The following FBRSL1 variants were observed in gnomAD, a reference collection of about 807,000 sequenced individuals.
FBRSL1 encodes fibrosin-1-like protein.
A neutral mutation model predicts 89.6 loss-of-function variants in FBRSL1; 51 were observed. The observed-to-expected ratio is 0.57, with a 90% CI of 0.45 to 0.72. The LOEUF is 0.72. Ranked by LOEUF, FBRSL1 falls within the 30% of genes least tolerant of loss-of-function variation. The pLI is 0.00. For synonymous variants in FBRSL1, 779 were observed against 681.1 expected (o/e 1.14, Z -2.24); for missense variants, 1,618 against 1,451.8 (o/e 1.11, Z -1.86).
At chr12:132,523,521 G>T (rs1263571619) in intron 2 of FBRSL1, among the ~76,000 whole-genome samples, 2 of 152,096 alleles carry the variant, frequency 1.3e-5, no homozygotes, top group African/African-American at 4.8e-5. Flanking sequence ...GGTGTGAAGT[G>T]TAGAGAGGTG....
rs553389153 is a variant in FBRSL1, at chr12:132,583,727, G to T, written c.2958G>T (p.Glu986Asp). The part of the protein sequence containing the change: ...TTPLGGLGPG[E>D]ARDYSPSRNP... ...CGCTGGGGGGCCTCGGGCCGGGCGA[G>T]GCGCGCGACTACTCCCCGTCCCGAA... The change falls in exon 19 of 19, where the codon GAG becomes GAT. Residue 986 changes from glutamate to aspartate, a missense_variant. Coordinates refer to ENST00000680143, the MANE Select transcript of FBRSL1 (RefSeq NM_001367871.1). 8.2e-7 allele frequency: 1 copy of T among 1,215,680 alleles called. No homozygotes were observed. The highest frequency in any genetic ancestry group is 1.6e-5 in the African/African-American group (1 of 63,650). The allele number at this position is 1,215,680 out of a possible 1,614,324, so 75.3% of individuals were successfully genotyped here. A position where few individuals can be genotyped will look rare whatever the true frequency, so the allele number is the denominator to read the frequency against.
intron 3 of FBRSL1, 35 bp from the exon 4 acceptor site, chr12:132,527,918 C>T: frequency 6.5e-7 from 1 of 1,549,936 alleles, no homozygotes; most frequent in Non-Finnish European, 8.7e-7. Flanking sequence ...TTCCGAGTGG[C>T]AGCCTCACTG....
intron 5 of FBRSL1, chr12:132,560,047 G>A (rs1157723034): frequency 6.6e-6 from 1 of 150,474 alleles, no homozygotes; most frequent in Admixed American, 6.6e-5. Flanking sequence ...GCGCCGCCCA[G>A]AGCGCGCAGA....
At chr12:132,560,103 G>A (rs1237134394) in intron 5 of FBRSL1, 1 of 151,628 alleles carries the variant, frequency 6.6e-6, no homozygotes, top group East Asian at 1.9e-4. Context: ...CTCCGGCTGA[G>A]CAGGGCACGC....
chr12:132,495,447 A>G (rs1420719962), intron 1 of FBRSL1, among the ~76,000 whole-genome samples: 2 of 152,168 alleles, frequency 1.3e-5, no homozygotes, highest in African/African-American at 4.8e-5. Flanking sequence ...TGCCTGGCCC[A>G]TCTCTCAGAT....
chr12:132,569,343 A>C (rs6560885), intron 6 of FBRSL1, among the ~76,000 whole-genome samples: 127,015 of 152,018 alleles, frequency 0.84, 53,165 homozygotes, highest in East Asian at 0.99. Context: ...CAGTAGGGGG[A>C]AGCCTCCCAC....
chr12:132,504,078 G>T (rs950542243), intron 1 of FBRSL1, among the ~76,000 whole-genome samples: 6 of 152,120 alleles, frequency 3.9e-5, no homozygotes, highest in Admixed American at 3.9e-4. Flanking sequence ...GAAGCAGAGG[G>T]GCCTGCCAGG....
At chr12:132,547,134 T>A (rs2037756961) in intron 4 of FBRSL1, among the ~76,000 whole-genome samples, 1 of 152,132 alleles carries the variant, frequency 6.6e-6, no homozygotes, top group African/African-American at 2.4e-5. Flanking sequence ...TTCGTAGAGC[T>A]CTGCTTACTG....
chr12:132,498,670 C>T (rs2032462652), intron 1 of FBRSL1, among the ~76,000 whole-genome samples: 1 of 152,216 alleles, frequency 6.6e-6, no homozygotes, highest in Non-Finnish European at 1.5e-5. Flanking sequence ...TGCTACTGCA[C>T]AGGGCCCCCC....
At chr12:132,523,239 T>C (rs2035514989) in intron 2 of FBRSL1, among the ~76,000 whole-genome samples, 1 of 152,162 alleles carries the variant, frequency 6.6e-6, no homozygotes, top group African/African-American at 2.4e-5. Flanking sequence ...GGCAGCCACC[T>C]TGGCTGTTTG....
Position 132,574,619 on chromosome 12 carries a change from G to A in FBRSL1, c.1701+55G>A, listed in dbSNP as rs1593573962. 6.6e-6 allele frequency: 10 copies of A among 1,526,286 alleles called. No homozygotes were observed. The East Asian group carries it at 1.5e-4, about 23-fold the overall frequency. 94.5% of individuals were successfully genotyped at this position (1,526,286 alleles called of 1,614,324 possible). A position where few individuals can be genotyped will look rare whatever the true frequency, so the allele number is the denominator to read the frequency against. On this transcript the variant is annotated intron_variant, in intron 14 of 18. Transcript: ENST00000680143. ...TTGTGAACCCGACTCCAGCCTGGTC[G>A]GGCCCTGAAGGCCAGGCATGAGGCT...
Position 132,584,031 on chromosome 12 carries a change from G to A in FBRSL1, c.*253G>A, listed in dbSNP as rs2040980603. 1 of 211,826 alleles carries A rather than the reference G, an allele frequency of 4.7e-6. No homozygotes were observed. The highest frequency in any genetic ancestry group is 2.3e-5 in the African/African-American group (1 of 43,082). The allele number at this position is 211,826 out of a possible 1,614,324, so 13.1% of individuals were successfully genotyped here. On this transcript the variant is annotated 3_prime_UTR_variant, in exon 19 of 19. Transcript: ENST00000680143. ...CCCACAGATGAGAAGTGTTTGTAATGGATTTGTATTTTTCTTAATTTTATG... is the reference window on the plus strand; with the variant it reads ...CCCACAGATGAGAAGTGTTTGTAATAGATTTGTATTTTTCTTAATTTTATG...
chr12:132,510,988 G>C (rs911027288), intron 2 of FBRSL1: 1 of 987,522 alleles, frequency 1.0e-6, no homozygotes, highest in African/African-American at 1.7e-5. Context: ...AGTGAGTGGC[G>C]TGCTGGGCAT....
chr12:132,509,241 C>T (rs1409636662), intron 2 of FBRSL1: 1 of 1,254,360 alleles, frequency 8.0e-7, no homozygotes, highest in Non-Finnish European at 9.9e-7. Context: ...CCAGCAACAG[C>T]TCCAGCCCAG....
intron 9 of FBRSL1, chr12:132,571,959 T>A (rs2040047506): frequency 2.4e-6 from 1 of 415,820 alleles, no homozygotes; most frequent in East Asian, 3.9e-5. Context: ...CTGGCCAGTT[T>A]GTCAGTAACC....
chr12:132,514,677 C>G (rs2034673589), intron 2 of FBRSL1, among the ~76,000 whole-genome samples: 1 of 152,130 alleles, frequency 6.6e-6, no homozygotes, highest in African/African-American at 2.4e-5. Context: ...AGGGCCGGTA[C>G]ACGACCTAGA....
At chr12:132,550,325 A>G (rs970446659) in intron 5 of FBRSL1, among the ~76,000 whole-genome samples, 232 of 150,874 alleles carry the variant, frequency 1.5e-3, no homozygotes, top group Non-Finnish European at 2.4e-3. Context: ...CGGGGCGGGG[A>G]CGGAGAAGGC....
At chr12:132,501,354 G>C (rs886980663) in intron 1 of FBRSL1, among the ~76,000 whole-genome samples, 5 of 152,200 alleles carry the variant, frequency 3.3e-5, no homozygotes, top group African/African-American at 1.2e-4. Flanking sequence ...CACCTGGCTA[G>C]CGTGGGCCCG....
chr12:132,514,222 G>A (rs1042848535), intron 2 of FBRSL1, among the ~76,000 whole-genome samples: 3 of 152,192 alleles, frequency 2.0e-5, no homozygotes, highest in African/African-American at 7.2e-5. Context: ...GCATGAGTGG[G>A]GGGCTGGGGG....
Sources: allele counts gnomAD v4.1 joint callset (sites outside exome capture counted in the v4.1 genomes callset), GRCh38; gene constraint gnomAD v4.1.1; transcripts MANE v1.5; gene names NCBI Gene and HGNC (gene_info 2026-07-23, HGNC 2026-07-21).